Variants in POLR1A observed in about 807,000 individuals in gnomAD.
The protein encoded by POLR1A is DNA-directed RNA polymerase I subunit RPA1.
In POLR1A, 84 loss-of-function variants were observed where a neutral mutation model predicts 205.3. The ratio of observed to expected loss-of-function variants is 0.41; its 90% confidence interval spans 0.34 to 0.49. The LOEUF (loss-of-function observed/expected upper bound fraction) is 0.49, where lower values mean the gene tolerates loss of function less well. POLR1A is among the 20% of genes least tolerant of loss of function. The pLI, the probability that POLR1A is intolerant of heterozygous loss-of-function variation, is 0.22. For missense variants in POLR1A, 1,645 were observed against 2,204.5 expected, an observed-to-expected ratio of 0.75 and a Z score of 5.08; for synonymous variants, 799 against 863.7, an observed-to-expected ratio of 0.93 and a Z score of 1.31.
In POLR1A at chr2:86,098,772, G is replaced by A. The variant is rs1225165751; in HGVS notation, c.283-12C>T. ...AGCAGGTACAGCTTCTGAAGAGAGGGAATAAAAACAAACAGGATATTAGAA... is the reference window on the plus strand; with the variant it reads ...AGCAGGTACAGCTTCTGAAGAGAGGAAATAAAAACAAACAGGATATTAGAA... On this transcript the variant is annotated splice_polypyrimidine_tract_variant and intron_variant, in intron 2 of 33. Transcript: ENST00000263857. 1.2e-6 allele frequency: 2 copies of A among 1,613,212 alleles called. No homozygotes were observed. The highest frequency in any genetic ancestry group is 2.7e-5 in the African/African-American group (2 of 74,856).
In POLR1A at chr2:86,039,436, C is replaced by A. The variant is rs753731277; in HGVS notation, c.3767G>T (p.Ser1256Ile). The A allele has an allele frequency of 4.3e-6, 7 of 1,614,186 alleles. No homozygotes were observed. Among genetic ancestry groups the A allele is most frequent in the Non-Finnish European group, 5.9e-6 (7 of 1,180,030 alleles). ...CATCATGGGTGTCTTGATGTTGGCG[C>A]TGGCCACCATGAGAATCTCCCGCAA... Reference protein sequence around the residue: ...PRLREILMVASANIKTPMMSV... With the variant: ...PRLREILMVAIANIKTPMMSV... Residue 1256 changes from serine (S) to isoleucine (I), a missense_variant, in exon 26 of 34, where the codon AGC becomes ATC. Around this residue, in one of 16 missense-constraint regions of POLR1A, gnomAD observed 394 missense variants for 468.5 expected, o/e 0.84. Coordinates refer to ENST00000263857, the MANE Select transcript of POLR1A (RefSeq NM_015425.6).
At position 86,080,957 on chromosome 2, in the gene POLR1A, T is replaced by C. The variant is rs754927548; in HGVS notation, c.945A>G (p.Leu315=). The change falls in exon 9 of 34, where the codon CTA becomes CTG. Residue 315 remains leucine (L), a synonymous_variant. Coordinates refer to ENST00000263857, the MANE Select transcript of POLR1A (RefSeq NM_015425.6). The part of the protein sequence containing the change: ...PPSRYRPVSR[L]GDQMFTNGQT... ...GGCCATTAGTAAACATCTGGTCTCCTAGGCGACTGACTGGGCGATACCTGC... is the reference window on the plus strand; with the variant it reads ...GGCCATTAGTAAACATCTGGTCTCCCAGGCGACTGACTGGGCGATACCTGC... 26 of 1,613,128 alleles carry C rather than the reference T, an allele frequency of 1.6e-5. No individual in the cohort carries two copies. In the South Asian group the frequency reaches 2.7e-4, roughly 17 times the overall value.
intron 31 of POLR1A, among the ~76,000 whole-genome samples, chr2:86,029,657 C>T (rs966148714): frequency 6.8e-5 from 10 of 148,138 alleles, no homozygotes; most frequent in Non-Finnish European, 8.9e-5. Context: ...AGTGCAGCGG[C>T]GCAATCTTGG....
Position 86,049,010 on chromosome 2 carries a change from GGCT to G in POLR1A, c.2505_2507del (p.Glu835_Ala836delinsAsp). The G allele has an allele frequency of 6.2e-7, 1 of 1,614,198 alleles. No homozygotes were observed. The highest frequency in any genetic ancestry group is 1.6e-4 in the Middle Eastern group (1 of 6,062). On this transcript the variant is annotated inframe_deletion, in exon 18 of 34. Transcript: ENST00000263857. ...TTCCTCGGACCTCATCATATGATGC[GGCT>G]TCTGGCAGGTTTAATGCAGCCCTGA...
intron 25 of POLR1A, among the ~76,000 whole-genome samples, chr2:86,039,759 G>A (rs544814062): frequency 2.6e-4 from 39 of 152,344 alleles, no homozygotes; most frequent in African/African-American, 8.2e-4. Flanking sequence ...CTTACTGAAT[G>A]AACAAGCGAT....
chr2:86,083,003 G>C, intron 7 of POLR1A, 79 bp downstream of exon 7: 1 of 1,062,236 alleles, frequency 9.4e-7, no homozygotes, highest in Non-Finnish European at 1.5e-6. Context: ...CTTAAAAGAA[G>C]TAATAAGGCA....
Position 86,065,300 on chromosome 2 carries a change from G to A in POLR1A, c.2032C>T (p.Pro678Ser). 6.2e-7 allele frequency: 1 copy of A among 1,614,060 alleles called. No homozygotes were observed. Among genetic ancestry groups the A allele is most frequent in the Non-Finnish European group, 8.5e-7 (1 of 1,179,994 alleles). The change falls in exon 14 of 34, where the codon CCC becomes TCC. Residue 678 changes from proline to serine, a missense_variant. By Grantham distance (74) the Pro-to-Ser change is moderately conservative. Transcript: ENST00000263857. ...TGTTTTCCTGTCCACAGCGGAAAGG[G>A]CTTCAGGATGGAAGGAGAAAGGAGC... The part of the protein sequence containing the change: ...VKLLSPSILK[P>S]FPLWTGKQVV...
rs1439518588 is a variant in POLR1A, at chr2:86,023,561, G to A, written c.*3862C>T. ...ACGAGATGGCACCTCATACACATTA[G>A]GGTGGCTACTATTAACAAGAACAAG... is the stretch of plus-strand genomic sequence containing the variant. On this transcript the variant is annotated 3_prime_UTR_variant, in exon 34 of 34. Coordinates refer to ENST00000263857, the MANE Select transcript of POLR1A (RefSeq NM_015425.6). The A allele has an allele frequency of 6.6e-6, 1 of 152,114 alleles. No homozygotes were observed. The allele number at this position is 152,114 out of a possible 1,614,324, so 9.4% of individuals were successfully genotyped here.
chr2:86,033,635 C>A, intron 28 of POLR1A, 26 bp downstream of exon 28: 1 of 1,609,890 alleles, frequency 6.2e-7, no homozygotes, highest in South Asian at 1.1e-5. Context: ...CTGTGCAACT[C>A]TAGTGACCCC....
intron 27 of POLR1A, among the ~76,000 whole-genome samples, chr2:86,034,056 G>C (rs1672451788): frequency 6.6e-6 from 1 of 152,232 alleles, no homozygotes. Flanking sequence ...AGCTTCCTCA[G>C]CTTTAAGCCC....
intron 14 of POLR1A, among the ~76,000 whole-genome samples, chr2:86,058,219 A>T (rs573030103): frequency 2.0e-5 from 3 of 151,680 alleles, no homozygotes; most frequent in Non-Finnish European, 4.4e-5. Flanking sequence ...TTTTGCCTCA[A>T]CCTCCTGAGT....
At chr2:86,041,245 C>CTG (rs9309630) in intron 24 of POLR1A, among the ~76,000 whole-genome samples, 1,885 of 123,570 alleles carry the variant, frequency 0.015, 23 homozygotes, top group Middle Eastern at 0.032. Flanking sequence ...GCTACAGTGT[C>CTG]TGTGTGTGTG....
chr2:86,049,794 G>C (rs1469002896), intron 16 of POLR1A, among the ~76,000 whole-genome samples: 2 of 152,184 alleles, frequency 1.3e-5, no homozygotes, highest in African/African-American at 4.8e-5. Flanking sequence ...CATTGCTTCA[G>C]GAGGATGACA....
rs927508431 is a variant in POLR1A, at chr2:86,025,896, C to T, written c.*1527G>A. ...ATGCCTTGGTGAACCTGGCAGACCC[C>T]GTTAGGAGGTACTGATTTCTGTCAG... On this transcript the variant is annotated 3_prime_UTR_variant, in exon 34 of 34. Transcript: ENST00000263857. The T allele has an allele frequency of 2.6e-5, 4 of 152,238 alleles. No individual in the cohort carries two copies. In the South Asian group the frequency reaches 8.3e-4, roughly 32 times the overall value. 9.4% of individuals were successfully genotyped at this position (152,238 alleles called of 1,614,324 possible).
In POLR1A at chr2:86,045,333, G is replaced by A. The variant is rs772459266; in HGVS notation, c.2914C>T (p.Arg972Ter). Residue 972 changes from arginine to a stop codon, truncating the protein, a stop_gained, in exon 21 of 34, where the codon CGA becomes TGA. Transcript: ENST00000263857. LOFTEE classifies it high-confidence loss of function. Reference protein sequence around the residue: ...PEFFFHCMAGREGLVDTAVKT... With the variant: ...PEFFFHCMAG ...ACAGCAGTGTCCACCAGGCCCTCTCGTCCTGCCATGCAGTGGAAGAAGAAC... is the reference window on the plus strand; with the variant it reads ...ACAGCAGTGTCCACCAGGCCCTCTCATCCTGCCATGCAGTGGAAGAAGAAC... 2.5e-6 allele frequency: 4 copies of A among 1,613,624 alleles called. No homozygotes were observed. Among genetic ancestry groups the A allele is most frequent in the Admixed American group, 1.7e-5 (1 of 60,006 alleles).
intron 27 of POLR1A, among the ~76,000 whole-genome samples, chr2:86,036,328 A>C (rs1306316250): frequency 6.6e-6 from 1 of 152,128 alleles, no homozygotes; most frequent in Admixed American, 6.5e-5. Flanking sequence ...GACAATTTAC[A>C]CAAACAGCCC....
intron 8 of POLR1A, among the ~76,000 whole-genome samples, chr2:86,081,180 G>A (rs1244411968): frequency 2.0e-5 from 3 of 152,162 alleles, no homozygotes; most frequent in Non-Finnish European, 4.4e-5. Flanking sequence ...TGGATCACTG[G>A]AGGTCAGGAG....
chr2:86,027,712 G>C (rs1309287601), intron 33 of POLR1A, among the ~76,000 whole-genome samples, 173 bp downstream of exon 33: 1 of 152,140 alleles, frequency 6.6e-6, no homozygotes, highest in East Asian at 1.9e-4. Context: ...TTCCTTCAAA[G>C]CGTAGAGGCA....
chr2:86,043,178 C>G lies in POLR1A; in HGVS notation c.3153G>C (p.Gln1051His). 3 of 1,612,738 alleles carry G rather than the reference C, an allele frequency of 1.9e-6. No homozygotes were observed. The highest frequency in any genetic ancestry group is 2.5e-6 in the Non-Finnish European group (3 of 1,179,138). The change falls in exon 23 of 34, where the codon CAG becomes CAC. Residue 1051 changes from glutamine (Q) to histidine (H), a missense_variant. Gln to His is a conservative substitution (Grantham distance 24, BLOSUM62 0). This residue lies in a region of POLR1A where 201 missense variants were observed against 222.3 expected (regional missense o/e 0.90). Transcript: ENST00000263857. ...ASNYEVIMKS[Q>H]HLHEVLSRAD... ...CTCTGGATAAAACTTCATGGAGATG[C>G]TGTGATTTCATTATCACCTAAACAA...
Sources: gnomAD v4.1 joint callset for allele counts (sites outside exome capture counted in the v4.1 genomes callset) on GRCh38, gnomAD v4.1.1 for gene constraint, gnomAD v4.1.1 regional missense constraint, MANE v1.5 for transcripts, NCBI Gene and HGNC (gene_info 2026-07-23, HGNC 2026-07-21) for gene names.